The following GALNTL6 variants were observed in gnomAD, a reference collection of about 807,000 sequenced individuals.
The protein encoded by GALNTL6 is polypeptide N-acetylgalactosaminyltransferase like 6.
Under a neutral mutation model 73.7 loss-of-function variants are expected in GALNTL6, and 46 were observed. That is an observed-to-expected ratio of 0.62 (90% CI 0.49 to 0.80). The LOEUF (loss-of-function observed/expected upper bound fraction) is 0.80. Ranked by LOEUF, GALNTL6 falls within the 30% of genes least tolerant of loss-of-function variation. The pLI, the probability that GALNTL6 is intolerant of heterozygous loss-of-function variation, is 0.00. For synonymous variants in GALNTL6, 259 were observed against 263.7 expected, an observed-to-expected ratio of 0.98 and a Z score of 0.17; for missense variants, 604 against 755.0, an observed-to-expected ratio of 0.80 and a Z score of 2.34.
At chr4:172,589,098 A>G (rs1737538933) in intron 5 of GALNTL6, among the ~76,000 whole-genome samples, 1 of 152,204 alleles carries the variant, frequency 6.6e-6, no homozygotes, top group South Asian at 2.1e-4. Flanking sequence ...TAAGAAAAAT[A>G]TGTATGGAAC....
intron 2 of GALNTL6, among the ~76,000 whole-genome samples, chr4:172,226,095 A>C (rs1303140447): frequency 6.6e-6 from 1 of 152,236 alleles, no homozygotes; most frequent in Non-Finnish European, 1.5e-5. Context: ...CATACTATGA[A>C]GACTATGGTG....
At chr4:172,326,505 C>T (rs162814) in intron 4 of GALNTL6, among the ~76,000 whole-genome samples, 150,775 of 152,070 alleles carry the variant, frequency 0.99, 74,760 homozygotes, top group Middle Eastern at 1. Context: ...TTATTACCTA[C>T]TAATAAAGTC....
intron 2 of GALNTL6, among the ~76,000 whole-genome samples, chr4:171,902,416 A>G (rs1369574214): frequency 5.3e-5 from 8 of 152,210 alleles, no homozygotes. Flanking sequence ...TCATTTCATG[A>G]ATGAGACTAG....
intron 5 of GALNTL6, among the ~76,000 whole-genome samples, chr4:172,562,149 C>T (rs1284719207): frequency 1.3e-5 from 2 of 152,136 alleles, no homozygotes; most frequent in Non-Finnish European, 2.9e-5. Flanking sequence ...CAGTTGACCA[C>T]CTCTCCTCTG....
At chr4:172,872,967 G>A (rs1478940505) in intron 7 of GALNTL6, among the ~76,000 whole-genome samples, 1 of 152,114 alleles carries the variant, frequency 6.6e-6, no homozygotes, top group African/African-American at 2.4e-5. Context: ...CTGTGCTCTG[G>A]TGTTGTCACC....
intron 2 of GALNTL6, among the ~76,000 whole-genome samples, chr4:172,031,637 C>T (rs778789909): frequency 4.0e-5 from 6 of 151,884 alleles, no homozygotes; most frequent in Non-Finnish European, 7.4e-5. Flanking sequence ...TCCTTTAGTA[C>T]GTTGTACCTA....
At position 172,075,122 on chromosome 4, in the gene GALNTL6, C is replaced by G. The variant is rs527681154; in HGVS notation, c.139-154534C>G. Among the ~76,000 whole-genome samples the G allele has an allele frequency of 4.6e-5, 7 of 152,114 alleles. No homozygotes were observed. The South Asian group carries it at 1.5e-3, about 32-fold the overall frequency. On this transcript the variant is annotated intron_variant, in intron 2 of 12. Coordinates refer to ENST00000506823, the MANE Select transcript of GALNTL6 (RefSeq NM_001034845.3). ...ATTTTCTAATCGCCATGTTATAATT[C>G]TATAATGTTTATGTTTAGAAAATCT... is the stretch of plus-strand genomic sequence containing the variant.
chr4:172,544,574 A>AT (rs1561130665), intron 5 of GALNTL6, among the ~76,000 whole-genome samples: 1 of 152,118 alleles, frequency 6.6e-6, no homozygotes, highest in African/African-American at 2.4e-5. Flanking sequence ...CCTTTCATAC[A>AT]TATATATTAT....
chr4:172,538,102 G>A (rs1735412437), intron 5 of GALNTL6, among the ~76,000 whole-genome samples: 1 of 152,086 alleles, frequency 6.6e-6, no homozygotes, highest in Non-Finnish European at 1.5e-5. Flanking sequence ...AAGGAGAAAT[G>A]ATTAAGATTT....
At chr4:172,331,391 T>C (rs1053210487) in intron 4 of GALNTL6, among the ~76,000 whole-genome samples, 2 of 151,622 alleles carry the variant, frequency 1.3e-5, no homozygotes, top group Middle Eastern at 3.4e-3. Flanking sequence ...GCAATTCTTC[T>C]GCCTCAAGAG....
At chr4:171,966,411 A>T (rs940232902) in intron 2 of GALNTL6, among the ~76,000 whole-genome samples, 1 of 152,200 alleles carries the variant, frequency 6.6e-6, no homozygotes, top group Non-Finnish European at 1.5e-5. Context: ...ACAGGCCATT[A>T]TAAATGGGCT....
chr4:172,024,642 T>C (rs1741500209), intron 2 of GALNTL6, among the ~76,000 whole-genome samples: 1 of 151,940 alleles, frequency 6.6e-6, no homozygotes, highest in Non-Finnish European at 1.5e-5. Context: ...TAATTTTGTA[T>C]CATATCATTT....
At chr4:171,937,090 G>A (rs1199351336) in intron 2 of GALNTL6, among the ~76,000 whole-genome samples, 1 of 152,082 alleles carries the variant, frequency 6.6e-6, no homozygotes, top group African/African-American at 2.4e-5. Flanking sequence ...CTGCTGGGTG[G>A]ATGAATTCTC....
chr4:172,732,579 T>C (rs1198490570), intron 5 of GALNTL6, among the ~76,000 whole-genome samples: 2 of 152,154 alleles, frequency 1.3e-5, no homozygotes, highest in Non-Finnish European at 2.9e-5. Flanking sequence ...TGTTTTTTGG[T>C]GGTTTTGAGA....
intron 2 of GALNTL6, among the ~76,000 whole-genome samples, chr4:172,009,560 AAAGG>A (rs1212845244): frequency 6.6e-6 from 1 of 152,118 alleles, no homozygotes; most frequent in Non-Finnish European, 1.5e-5. Context: ...ACCTTTTCTC[AAAGG>A]GAGTACAAAG....
chr4:173,035,733 TA>T (rs1420641442), intron 12 of GALNTL6, among the ~76,000 whole-genome samples: 1 of 152,224 alleles, frequency 6.6e-6, no homozygotes, highest in East Asian at 1.9e-4. Context: ...CTTCTCTCCA[TA>T]AATCCTTTCG....
chr4:173,037,034 GTAAAGATGGCAATGA>G, intron 12 of GALNTL6, among the ~76,000 whole-genome samples: 1 of 152,330 alleles, frequency 6.6e-6, no homozygotes, highest in East Asian at 1.9e-4. Flanking sequence ...GAGTAGAAAC[GTAAAGATGGCAATGA>G]TGTAGCTTAG....
intron 5 of GALNTL6, among the ~76,000 whole-genome samples, chr4:172,462,480 T>C (rs1340737996): frequency 6.6e-6 from 1 of 152,220 alleles, no homozygotes; most frequent in Non-Finnish European, 1.5e-5. Flanking sequence ...TCTTCTCTGA[T>C]GTGTTTTCCA....
chr4:172,582,972 T>C (rs1434639929), intron 5 of GALNTL6, among the ~76,000 whole-genome samples: 4 of 152,210 alleles, frequency 2.6e-5, no homozygotes, highest in African/African-American at 7.2e-5. Context: ...AATTAGACCT[T>C]CACTTGAAAT....
Sources: gnomAD v4.1 joint callset for allele counts (sites outside exome capture counted in the v4.1 genomes callset) on GRCh38, gnomAD v4.1.1 for gene constraint, MANE v1.5 for transcripts, NCBI Gene and HGNC (gene_info 2026-07-23, HGNC 2026-07-21) for gene names.